Variants in ATP9A observed in about 807,000 individuals in gnomAD.
The protein encoded by ATP9A is probable phospholipid-transporting ATPase IIA.
Under a neutral mutation model 144.1 loss-of-function variants are expected in ATP9A, and 52 were observed. That is an observed-to-expected ratio of 0.36 (90% CI 0.29 to 0.45). The LOEUF is 0.45. Ranked by LOEUF, ATP9A falls within the 20% of genes least tolerant of loss-of-function variation. The probability of loss-of-function intolerance (pLI) is 1.00; values close to 1 mark genes in which losing one functional copy is unlikely to be tolerated. For synonymous variants in ATP9A, 582 were observed against 557.4 expected (o/e 1.04, Z -0.62); for missense variants, 947 against 1,392.7 (o/e 0.68, Z 5.09).
chr20:51,710,443 T>C (rs1397563286), intron 4 of ATP9A, among the ~76,000 whole-genome samples: 2 of 152,218 alleles, frequency 1.3e-5, no homozygotes, highest in Non-Finnish European at 2.9e-5. Context: ...TATGAAGGAA[T>C]TCGACAGGAA....
chr20:51,687,470 G>A (rs757442408), intron 9 of ATP9A, among the ~76,000 whole-genome samples: 14 of 152,240 alleles, frequency 9.2e-5, no homozygotes, highest in Non-Finnish European at 1.8e-4. Flanking sequence ...TACTGTACTA[G>A]AGAGCAACAA....
chr20:51,629,586 G>T (rs1180057095), intron 15 of ATP9A, among the ~76,000 whole-genome samples: 2 of 152,152 alleles, frequency 1.3e-5, no homozygotes, highest in African/African-American at 4.8e-5. Context: ...CACCCTCCAT[G>T]GTGACAACCA....
At chr20:51,685,978 A>C (rs1403927458) in intron 9 of ATP9A, among the ~76,000 whole-genome samples, 2 of 152,332 alleles carry the variant, frequency 1.3e-5, no homozygotes, top group South Asian at 4.1e-4. Flanking sequence ...AATGTCCATC[A>C]ATGATAGACT....
At chr20:51,692,926 C>T (rs751135181) in intron 7 of ATP9A, among the ~76,000 whole-genome samples, 15 of 152,166 alleles carry the variant, frequency 9.9e-5, no homozygotes, top group Non-Finnish European at 1.9e-4. Flanking sequence ...TTACGTCAAT[C>T]CCGCCAAGAC....
chr20:51,725,147 A>T (rs773332273), intron 3 of ATP9A, among the ~76,000 whole-genome samples: 2 of 152,100 alleles, frequency 1.3e-5, no homozygotes, highest in Non-Finnish European at 2.9e-5. Context: ...GTTTTGAGAC[A>T]GGTCTCTCTC....
chr20:51,748,944 T>TAGACAGACAGAC (rs1161622264), intron 1 of ATP9A, among the ~76,000 whole-genome samples: 3,142 of 100,752 alleles, frequency 0.031, 48 homozygotes, highest in Admixed American at 0.06. Context: ...GATAGATAGA[T>TAGACAGACAGAC]AGATAGACAG....
intron 14 of ATP9A, 37 bp downstream of exon 14, chr20:51,656,901 G>T: frequency 2.5e-6 from 4 of 1,583,160 alleles, no homozygotes; most frequent in Non-Finnish European, 3.5e-6. Context: ...AAACAAGCAG[G>T]GCCTCCCCAT....
intron 7 of ATP9A, among the ~76,000 whole-genome samples, chr20:51,693,274 A>T (rs571788300): frequency 6.6e-6 from 1 of 152,334 alleles, no homozygotes; most frequent in Non-Finnish European, 1.5e-5. Context: ...AGCTCAGTGG[A>T]GTGCGGAGAT....
intron 1 of ATP9A, among the ~76,000 whole-genome samples, chr20:51,731,446 G>A (rs1601134175): frequency 6.6e-6 from 1 of 151,978 alleles, no homozygotes; most frequent in South Asian, 2.1e-4. Flanking sequence ...GGCCAGGCGA[G>A]GTGGCTCACG....
At chr20:51,715,571 G>C (rs748688063) in intron 3 of ATP9A, among the ~76,000 whole-genome samples, 3 of 152,078 alleles carry the variant, frequency 2.0e-5, no homozygotes, top group Non-Finnish European at 4.4e-5. Flanking sequence ...GACAGGAGCC[G>C]CTCACTAACC....
At chr20:51,730,983 A>T (rs1299299345) in intron 1 of ATP9A, among the ~76,000 whole-genome samples, 2 of 152,220 alleles carry the variant, frequency 1.3e-5, no homozygotes, top group Non-Finnish European at 2.9e-5. Context: ...AGCCTGGGCA[A>T]CAAAGTGAGA....
chr20:51,628,856 C>A, intron 16 of ATP9A, 124 bp downstream of exon 16: 1 of 751,400 alleles, frequency 1.3e-6, no homozygotes, highest in Non-Finnish European at 2.3e-6. Context: ...TAAGCAGCTG[C>A]ATTTCAGGGT....
intron 19 of ATP9A, among the ~76,000 whole-genome samples, chr20:51,620,018 A>T (rs1051054679): frequency 1.3e-5 from 2 of 152,232 alleles, no homozygotes; most frequent in African/African-American, 2.4e-5. Context: ...AAACTGAAGC[A>T]TGGTGACATC....
rs557296356 is a variant in ATP9A, at chr20:51,721,733, G to A, written c.327+4086C>T. On this transcript the variant is annotated intron_variant, in intron 3 of 27. Coordinates refer to ENST00000338821, the MANE Select transcript of ATP9A (RefSeq NM_006045.3). ...GGAGAATGGCATGAACCTGGGAGGC[G>A]GAGCTTACAGTGAGCCACGATCACA... Among the ~76,000 whole-genome samples, 16 of 150,500 alleles carry A rather than the reference G, an allele frequency of 1.1e-4. No individual in the cohort carries two copies. The South Asian group carries it at 1.5e-3, about 14-fold the overall frequency.
At chr20:51,676,510 C>G (rs1255466103) in intron 9 of ATP9A, among the ~76,000 whole-genome samples, 1 of 152,084 alleles carries the variant, frequency 6.6e-6, no homozygotes, top group Non-Finnish European at 1.5e-5. Flanking sequence ...CGGAGTTTTA[C>G]TCTTGTTCCC....
intron 7 of ATP9A, among the ~76,000 whole-genome samples, chr20:51,691,232 T>C (rs778072575): frequency 2.0e-5 from 3 of 152,180 alleles, no homozygotes; most frequent in Non-Finnish European, 2.9e-5. Context: ...TTTGGGAGGC[T>C]GAAGTGGGCG....
intron 1 of ATP9A, among the ~76,000 whole-genome samples, chr20:51,748,555 C>CT (rs1203753970): frequency 2.6e-5 from 4 of 151,956 alleles, no homozygotes; most frequent in South Asian, 4.2e-4. Flanking sequence ...ACCAAGATAT[C>CT]TTTTTTTTAC....
intron 27 of ATP9A, among the ~76,000 whole-genome samples, chr20:51,602,170 G>A (rs111964821): frequency 2.3e-4 from 35 of 152,212 alleles, no homozygotes; most frequent in Admixed American, 6.5e-4. Context: ...TGGAAGGTGG[G>A]GGGGGCGGGC....
chr20:51,754,726 G>A (rs2077848571), intron 1 of ATP9A, among the ~76,000 whole-genome samples: 1 of 152,168 alleles, frequency 6.6e-6, no homozygotes. Context: ...TGAGGCATGA[G>A]AATTGCTTGA....
Sources: gnomAD v4.1 joint callset for allele counts (sites outside exome capture counted in the v4.1 genomes callset) on GRCh38, gnomAD v4.1.1 for gene constraint, MANE v1.5 for transcripts, NCBI Gene and HGNC (gene_info 2026-07-23, HGNC 2026-07-21) for gene names.